Variants in EIF2S3B observed in about 807,000 individuals in gnomAD.
EIF2S3B encodes eukaryotic translation initiation factor 2 subunit 3B.
In EIF2S3B, 16 loss-of-function variants were observed where a neutral mutation model predicts 26.4. The observed-to-expected ratio is 0.61, with a 90% CI of 0.41 to 0.92. The LOEUF (loss-of-function observed/expected upper bound fraction) is 0.92, where lower values mean the gene tolerates loss of function less well. Among genes scored for constraint, EIF2S3B ranks in the 40% least tolerant of loss-of-function variants. The pLI, the probability that EIF2S3B is intolerant of heterozygous loss-of-function variation, is 0.00. For missense variants in EIF2S3B, 510 were observed against 575.5 expected (o/e 0.89, Z 1.16); for synonymous variants, 183 against 204.4 (o/e 0.90, Z 0.89).
At chr12:10,519,240 G>GA in intron 1 of EIF2S3B, among the ~76,000 whole-genome samples, 1 of 152,098 alleles carries the variant, frequency 6.6e-6, no homozygotes. Flanking sequence ...ACAAACCTGA[G>GA]AAAATCAAGC....
At chr12:10,515,443 AT>A (rs1465522111) in intron 1 of EIF2S3B, among the ~76,000 whole-genome samples, 1 of 152,090 alleles carries the variant, frequency 6.6e-6, no homozygotes, top group African/African-American at 2.4e-5. Flanking sequence ...AATGAACCAA[AT>A]AATTAATAAT....
downstream of EIF2S3B, among the ~76,000 whole-genome samples, chr12:10,509,723 T>TA (rs1487461396): frequency 1.3e-5 from 2 of 151,988 alleles, no homozygotes; most frequent in Non-Finnish European, 2.9e-5. Flanking sequence ...TTGATAGCAA[T>TA]AAAAAATCTT....
At chr12:10,518,095 G>T (rs1410271033) in intron 1 of EIF2S3B, among the ~76,000 whole-genome samples, 3 of 152,068 alleles carry the variant, frequency 2.0e-5, no homozygotes, top group African/African-American at 7.2e-5. Flanking sequence ...CTGTTGATTT[G>T]GGGTGGAGAG....
chr12:10,506,436 G>C lies in EIF2S3B; in HGVS notation c.534G>C (p.Glu178Asp). 1 of 1,613,582 alleles carries C rather than the reference G, an allele frequency of 6.2e-7. No individual in the cohort carries two copies. Among genetic ancestry groups the C allele is most frequent in the Non-Finnish European group, 8.5e-7 (1 of 1,179,512 alleles). The part of the protein sequence containing the change: ...PQTSEHLAAI[E>D]IMKLKHILIL... ...CATCTGAACACCTGGCTGCTATAGA[G>C]ATCATGAAACTGAAGCATATTTTGA... The change falls in exon 1 of 1, where the codon GAG (glutamate) becomes GAC (aspartate). Residue 178 changes from glutamate to aspartate, a missense_variant. Glu to Asp is a conservative substitution (Grantham distance 45, BLOSUM62 2). Transcript: ENST00000538173.
At chr12:10,517,891 G>C (rs1591636410) in intron 1 of EIF2S3B, among the ~76,000 whole-genome samples, 1 of 152,118 alleles carries the variant, frequency 6.6e-6, no homozygotes, top group East Asian at 1.9e-4. Context: ...TCAGGAGCAG[G>C]TTGTTCAGTT....
At chr12:10,517,007 G>T (rs1041937023) in intron 1 of EIF2S3B, among the ~76,000 whole-genome samples, 1 of 150,572 alleles carries the variant, frequency 6.6e-6, no homozygotes, top group Admixed American at 6.6e-5. Flanking sequence ...GCTGGATTCG[G>T]TTTGCCAGTA....
In EIF2S3B at chr12:10,507,464, T is replaced by TA; in HGVS notation, c.*143_*144insA. ...AGTAGGTAACGGTAAGGTTATTCTC[T>TA]CTTTTTTTTTTTGGTTATGAAAACT... On this transcript the variant is annotated 3_prime_UTR_variant, in exon 1 of 1. Transcript: ENST00000538173. 1 of 951,608 alleles carries TA rather than the reference T, an allele frequency of 1.1e-6. No individual in the cohort carries two copies. The highest frequency in any genetic ancestry group is 1.5e-6 in the Non-Finnish European group (1 of 646,014). 58.9% of individuals were successfully genotyped at this position (951,608 alleles called of 1,614,324 possible).
chr12:10,519,594 T>G (rs1453558129), intron 1 of EIF2S3B, among the ~76,000 whole-genome samples: 6 of 151,992 alleles, frequency 3.9e-5, no homozygotes, highest in Admixed American at 6.6e-5. Context: ...GGGAGAAAAT[T>G]TTTGCAATCT....
intron 1 of EIF2S3B, among the ~76,000 whole-genome samples, chr12:10,516,966 T>C (rs1591636080): frequency 1.3e-5 from 2 of 150,468 alleles, no homozygotes. Flanking sequence ...GAAGCCCACT[T>C]GATCATGGTG....
chr12:10,516,781 T>C (rs1403259865), intron 1 of EIF2S3B, among the ~76,000 whole-genome samples: 1 of 152,102 alleles, frequency 6.6e-6, no homozygotes, highest in Non-Finnish European at 1.5e-5. Flanking sequence ...TTGAGATACG[T>C]CCCATCAATA....
chr12:10,518,175 T>A lies in EIF2S3B; in HGVS notation c.1309-4428T>A, dbSNP rs530186225. Among the ~76,000 whole-genome samples, 27 of 152,288 alleles carry A rather than the reference T, an allele frequency of 1.8e-4. No individual in the cohort carries two copies. The South Asian group carries it at 5.6e-3, about 32-fold the overall frequency. On this transcript the variant is annotated intron_variant, in intron 1 of 1. Transcript: ENST00000322446. ...AATTCCTGGGTATACTTGTTAACTT[T>A]CTGTCTCATTGATCTGTCTAATGTT...
At chr12:10,516,854 A>G (rs185622847) in intron 1 of EIF2S3B, among the ~76,000 whole-genome samples, 4 of 149,956 alleles carry the variant, frequency 2.7e-5, no homozygotes, top group Admixed American at 2.0e-4. Context: ...CCTTTTCTGC[A>G]TCTATTGAGA....
At chr12:10,515,798 CAT>C (rs897425426) in intron 1 of EIF2S3B, among the ~76,000 whole-genome samples, 10 of 151,672 alleles carry the variant, frequency 6.6e-5, no homozygotes, top group Non-Finnish European at 1.2e-4. Flanking sequence ...TACACACACA[CAT>C]ACTAACTTAT....
At chr12:10,508,525 CAAA>C, downstream of EIF2S3B, among the ~76,000 whole-genome samples, 520 of 62,996 alleles carry the variant, frequency 8.3e-3, 2 homozygotes, top group African/African-American at 0.027. Context: ...TGTTAGAAAG[CAAA>C]AAAAAAAAAA....
rs1342002062 is a variant in EIF2S3B at position 10,506,126 on chromosome 12, G to T, written c.224G>T (p.Arg75Ile). The change falls in exon 1 of 1, where the codon AGA becomes ATA. Residue 75 changes from arginine to isoleucine, a missense_variant. Physicochemically the swap from Arg to Ile is moderately conservative, Grantham distance 97. Transcript: ENST00000538173. The stretch of plus-strand genomic sequence containing the variant: ...GTCAGGTTCAAAAATGAACTAGAAA[G>T]AAATATTACAATCAAGCTTGGATAT... ...HTVRFKNELE[R>I]NITIKLGYAN... 5 of 1,585,654 alleles carry T rather than the reference G, an allele frequency of 3.2e-6. No individual in the cohort carries two copies. Among genetic ancestry groups the T allele is most frequent in the Non-Finnish European group, 4.3e-6 (5 of 1,154,124 alleles).
chr12:10,509,859 A>C (rs1864687770), downstream of EIF2S3B, among the ~76,000 whole-genome samples: 1 of 152,082 alleles, frequency 6.6e-6, no homozygotes, highest in Non-Finnish European at 1.5e-5. Flanking sequence ...TTAAAGCATG[A>C]AAGTCACACA....
Position 10,507,277 on chromosome 12 carries a change from A to T in EIF2S3B, c.1375A>T (p.Ile459Leu), listed in dbSNP as rs780196958. Residue 459 changes from isoleucine to leucine, a missense_variant, in exon 1 of 1, where the codon ATA (isoleucine) becomes TTA (leucine). Ile to Leu is a conservative substitution (Grantham distance 5). Coordinates refer to ENST00000538173, the MANE Select transcript of EIF2S3B (RefSeq NM_001357734.3). ...KHWRLIGWGQ[I>L]RRGVTIKPTV... is the part of the protein sequence containing the mutation. ...CTGGCGTTTAATTGGTTGGGGTCAGATAAGAAGAGGAGTGACAATCAAGCC... is the reference window on the plus strand; with the variant it reads ...CTGGCGTTTAATTGGTTGGGGTCAGTTAAGAAGAGGAGTGACAATCAAGCC... 3 of 1,613,654 alleles carry T rather than the reference A, an allele frequency of 1.9e-6. No homozygotes were observed. The East Asian group carries it at 6.7e-5, about 36-fold the overall frequency.
In EIF2S3B at chr12:10,506,744, G is replaced by A; in HGVS notation, c.842G>A (p.Gly281Asp). 6.2e-7 allele frequency: 1 copy of A among 1,614,062 alleles called. No individual in the cohort carries two copies. The highest frequency in any genetic ancestry group is 8.5e-7 in the Non-Finnish European group (1 of 1,179,894). The change falls in exon 1 of 1, where the codon GGT becomes GAT. Residue 281 changes from glycine (G) to aspartate (D), a missense_variant. Transcript: ENST00000538173. Reference sequence around the variant, plus strand: ...GACCTTAAGGGAGGTGTAGCTGGTGGTAGTATCCTAAAAGGAGTATTAAAG... The same window carrying A: ...GACCTTAAGGGAGGTGTAGCTGGTGATAGTATCCTAAAAGGAGTATTAAAG... ...VDDLKGGVAG[G>D]SILKGVLKVG...
chr12:10,506,414 C>T lies in EIF2S3B; in HGVS notation c.512C>T (p.Ser171Phe), dbSNP rs776035591. The stretch of plus-strand genomic sequence containing the variant: ...GAATCTTGCCCTCAGCCTCAGACAT[C>T]TGAACACCTGGCTGCTATAGAGATC... ...GNESCPQPQTSEHLAAIEIMK... is the reference protein window; with the variant it reads ...GNESCPQPQTFEHLAAIEIMK... The change falls in exon 1 of 1, where the codon TCT (serine) becomes TTT (phenylalanine). Residue 171 changes from serine to phenylalanine, a missense_variant. Transcript: ENST00000538173. 1.5e-5 allele frequency: 25 copies of T among 1,613,842 alleles called. 1 individual carries two copies. In the South Asian group the frequency reaches 2.5e-4, roughly 16 times the overall value.
Sources: gnomAD v4.1 joint callset for allele counts (sites outside exome capture counted in the v4.1 genomes callset) on GRCh38, gnomAD v4.1.1 for gene constraint, MANE v1.5 for transcripts, NCBI Gene and HGNC (gene_info 2026-07-23, HGNC 2026-07-21) for gene names.